The following PGM3 variants were observed in gnomAD, a reference collection of about 807,000 sequenced individuals.
PGM3 encodes the protein phosphoacetylglucosamine mutase.
PGM3 carries 40 observed loss-of-function variants against 66.2 expected under a neutral mutation model. That is an observed-to-expected ratio of 0.60 (90% CI 0.47 to 0.79). The LOEUF is 0.79. Among genes scored for constraint, PGM3 ranks in the 30% least tolerant of loss-of-function variants. PGM3 has a pLI of 0.00. For missense variants in PGM3, 537 were observed against 643.4 expected (o/e 0.83, Z 1.79); for synonymous variants, 191 against 224.2 (o/e 0.85, Z 1.32).
chr6:83,178,304 G>C (rs1787926488), intron 8 of PGM3, among the ~76,000 whole-genome samples: 1 of 152,138 alleles, frequency 6.6e-6, no homozygotes, highest in South Asian at 2.1e-4. Flanking sequence ...TCCTGAGACT[G>C]GGAGATAGGT....
Position 83,168,173 on chromosome 6 carries a change from A to G in PGM3, c.*1061T>C, listed in dbSNP as rs1046668160. The G allele has an allele frequency of 2.5e-6, 4 of 1,608,272 alleles. No individual in the cohort carries two copies. Among genetic ancestry groups the G allele is most frequent in the Non-Finnish European group, 3.4e-6 (4 of 1,177,818 alleles). Reference sequence around the variant, plus strand: ...AAGGGATGATAAAAACTTGAGCACCATTGCTGGTTCCATTTAGCTTACATG... The same window carrying G: ...AAGGGATGATAAAAACTTGAGCACCGTTGCTGGTTCCATTTAGCTTACATG... On this transcript the variant is annotated 3_prime_UTR_variant, in exon 13 of 13. Transcript: ENST00000513973.
chr6:83,153,289 T>TGAAC, the PGM3 span: 1 of 322,506 alleles, frequency 3.1e-6, no homozygotes. Flanking sequence ...CCTATCTCAG[T>TGAAC]TGGAAATGGC....
chr6:83,187,419 G>C (rs1788664269), intron 3 of PGM3, among the ~76,000 whole-genome samples: 2 of 152,208 alleles, frequency 1.3e-5, no homozygotes, highest in Admixed American at 6.5e-5. Flanking sequence ...TATACACAGT[G>C]TGTATAAGAC....
At chr6:83,164,727 T>C, downstream of PGM3, 1 of 1,585,410 alleles carries the variant, frequency 6.3e-7, no homozygotes, top group South Asian at 1.2e-5. Flanking sequence ...CAGGTGAGGG[T>C]GGCTGTTTCA....
chr6:83,168,238 G>T lies in PGM3; in HGVS notation c.*996C>A. On this transcript the variant is annotated 3_prime_UTR_variant, in exon 13 of 13. Coordinates refer to ENST00000513973, the MANE Select transcript of PGM3 (RefSeq NM_015599.3). ...TAAAACACACACACTGCTCTGCGTT[G>T]TATAGTTTTTCCTTTTTTGTATGTA... 6.7e-7 allele frequency: 1 copy of T among 1,494,340 alleles called. No individual in the cohort carries two copies. Among genetic ancestry groups the T allele is most frequent in the Non-Finnish European group, 8.8e-7 (1 of 1,130,110 alleles). The allele number at this position is 1,494,340 out of a possible 1,614,324, so 92.6% of individuals were successfully genotyped here.
At chr6:83,177,780 C>T (rs1204856913) in intron 8 of PGM3, among the ~76,000 whole-genome samples, 8 of 152,172 alleles carry the variant, frequency 5.3e-5, no homozygotes, top group Non-Finnish European at 1.0e-4. Context: ...GACATCTGAT[C>T]TGAGTTCTCA....
downstream of PGM3, among the ~76,000 whole-genome samples, chr6:83,158,259 C>T (rs1251402798): frequency 6.6e-6 from 1 of 152,112 alleles, no homozygotes; most frequent in Non-Finnish European, 1.5e-5. Context: ...CCTCGACCTC[C>T]CAAAGTGCTG....
chr6:83,174,086 A>AT, intron 10 of PGM3, among the ~76,000 whole-genome samples: 1 of 152,244 alleles, frequency 6.6e-6, no homozygotes, highest in South Asian at 2.1e-4. Flanking sequence ...TTAAAAAAAA[A>AT]TTAATAATAT....
Position 83,166,746 on chromosome 6 carries a change from A to C in PGM3, c.*2488T>G. 1 of 1,127,582 alleles carries C rather than the reference A, an allele frequency of 8.9e-7. No individual in the cohort carries two copies. The highest frequency in any genetic ancestry group is 3.9e-5 in the South Asian group (1 of 25,446). The allele number at this position is 1,127,582 out of a possible 1,614,324, so 69.8% of individuals were successfully genotyped here. ...CAATAAGCTTGAGAGCACATAGAAG[A>C]AAATAAGCTGGATTTTGCATCTGCT... On this transcript the variant is annotated 3_prime_UTR_variant, in exon 13 of 13. Transcript: ENST00000513973.
downstream of PGM3, among the ~76,000 whole-genome samples, chr6:83,163,528 A>G (rs1043675242): frequency 3.9e-5 from 6 of 152,212 alleles, no homozygotes; most frequent in Non-Finnish European, 7.3e-5. Flanking sequence ...CTGTTTATCT[A>G]TATGAAATAA....
chr6:83,166,712 T>C lies in PGM3; in HGVS notation c.*2522A>G. The C allele has an allele frequency of 1.6e-6, 2 of 1,217,852 alleles. No individual in the cohort carries two copies. Among genetic ancestry groups the C allele is most frequent in the Middle Eastern group, 3.3e-4 (1 of 3,064 alleles). The allele number at this position is 1,217,852 out of a possible 1,614,324, so 75.4% of individuals were successfully genotyped here. A position where few individuals can be genotyped will look rare whatever the true frequency, so the allele number is the denominator to read the frequency against. On this transcript the variant is annotated 3_prime_UTR_variant, in exon 13 of 13. Coordinates refer to ENST00000513973, the MANE Select transcript of PGM3 (RefSeq NM_015599.3). ...ATTTTCCTTTTTCAGGATTTTACTT[T>C]AAAATAAGCAATAAGCTTGAGAGCA...
At chr6:83,169,822 C>T (rs545372781) in intron 12 of PGM3, 4 of 457,428 alleles carry the variant, frequency 8.7e-6, no homozygotes, top group African/African-American at 6.0e-5. Flanking sequence ...AATAAAAATC[C>T]AGACCACAAG....
chr6:83,188,397 GT>G, intron 3 of PGM3: 1 of 447,962 alleles, frequency 2.2e-6, no homozygotes, highest in Non-Finnish European at 4.0e-6. Flanking sequence ...TGCAGCTTGG[GT>G]TTTGGAGTAG....
At chr6:83,185,711 A>G (rs1788531926) in intron 4 of PGM3, among the ~76,000 whole-genome samples, 2 of 152,174 alleles carry the variant, frequency 1.3e-5, no homozygotes, top group Non-Finnish European at 2.9e-5. Flanking sequence ...GTGAGCCAAG[A>G]TCGAGCCTCT....
At chr6:83,189,531 A>G (rs1216617920) in intron 2 of PGM3, among the ~76,000 whole-genome samples, 1 of 152,246 alleles carries the variant, frequency 6.6e-6, no homozygotes, top group Non-Finnish European at 1.5e-5. Flanking sequence ...TATTTGGACA[A>G]GCAATGCCCT....
At chr6:83,189,926 T>G (rs1014705328) in intron 2 of PGM3, among the ~76,000 whole-genome samples, 1 of 152,210 alleles carries the variant, frequency 6.6e-6, no homozygotes, top group East Asian at 1.9e-4. Context: ...ACATGTGTTA[T>G]GTAAAAAAGT....
intron 8 of PGM3, 94 bp downstream of exon 8, chr6:83,178,579 A>G (rs1456947905): frequency 1.3e-6 from 1 of 765,460 alleles, no homozygotes; most frequent in Non-Finnish European, 2.4e-6. Context: ...AGCTTCATGC[A>G]CTACAACATA....
downstream of PGM3, among the ~76,000 whole-genome samples, chr6:83,164,496 TAATA>T (rs1213095318): frequency 6.6e-6 from 1 of 152,080 alleles, no homozygotes; most frequent in African/African-American, 2.4e-5. Context: ...TTTATCTAAA[TAATA>T]AATATGACAG....
At chr6:83,174,969 T>C (rs2128489999) in intron 9 of PGM3, among the ~76,000 whole-genome samples, 2 of 152,352 alleles carry the variant, frequency 1.3e-5, no homozygotes, top group South Asian at 4.1e-4. Context: ...ATGTCATGGA[T>C]AGTCATTACA....
Sources: gnomAD v4.1 joint callset for allele counts (sites outside exome capture counted in the v4.1 genomes callset) on GRCh38, gnomAD v4.1.1 for gene constraint, MANE v1.5 for transcripts, NCBI Gene and HGNC (gene_info 2026-07-23, HGNC 2026-07-21) for gene names.